ROBO1: variants seen among roughly 807,000 people sequenced by gnomAD.
The protein encoded by ROBO1 is roundabout homolog 1.
In ROBO1, 149 loss-of-function variants were observed where a neutral mutation model predicts 195.9. The observed-to-expected ratio is 0.76, with a 90% CI of 0.67 to 0.87. The LOEUF (loss-of-function observed/expected upper bound fraction) is 0.87, where lower values mean the gene tolerates loss of function less well. Ranked by LOEUF, ROBO1 falls within the 40% of genes least tolerant of loss-of-function variation. The pLI, the probability that ROBO1 is intolerant of heterozygous loss-of-function variation, is 0.00. For missense variants in ROBO1, 1,933 were observed against 2,068.3 expected (o/e 0.93, Z 1.27); for synonymous variants, 816 against 733.2 (o/e 1.11, Z -1.82).
intron 2 of ROBO1, among the ~76,000 whole-genome samples, 185 bp from the exon 3 acceptor site, chr3:79,125,724 C>T (rs1373735682): frequency 6.6e-6 from 1 of 152,156 alleles, no homozygotes; most frequent in South Asian, 2.1e-4. Context: ...GTCTCAGCAT[C>T]ATGGTTTTTA....
At chr3:78,610,057 C>A (rs918265867) in intron 28 of ROBO1, among the ~76,000 whole-genome samples, 4 of 152,098 alleles carry the variant, frequency 2.6e-5, no homozygotes, top group African/African-American at 9.7e-5. Flanking sequence ...TACTTGCATT[C>A]TTTTGTTAGT....
intron 2 of ROBO1, among the ~76,000 whole-genome samples, chr3:79,424,037 A>G (rs1474777832): frequency 6.6e-6 from 1 of 152,168 alleles, no homozygotes; most frequent in South Asian, 2.1e-4. Context: ...TGTCTTAGAC[A>G]TCATATTTAC....
At chr3:79,726,255 C>T (rs1702920467) in intron 1 of ROBO1, among the ~76,000 whole-genome samples, 3 of 152,174 alleles carry the variant, frequency 2.0e-5, no homozygotes, top group African/African-American at 4.8e-5. Flanking sequence ...AAAGGATGTT[C>T]TGGCTGTTAA....
chr3:78,793,135 C>CAAAAAAAAAAA (rs34409991), intron 4 of ROBO1, among the ~76,000 whole-genome samples: 1 of 139,480 alleles, frequency 7.2e-6, no homozygotes. Flanking sequence ...AAAACAAAAC[C>CAAAAAAAAAAA]AAAAAAAAAA....
chr3:79,738,378 A>G (rs541853296), intron 1 of ROBO1, among the ~76,000 whole-genome samples: 81 of 152,332 alleles, frequency 5.3e-4, no homozygotes, highest in African/African-American at 1.9e-3. Context: ...TAAACTTGAT[A>G]TAAATCAATG....
At chr3:78,920,928 G>A (rs1262422942) in intron 4 of ROBO1, among the ~76,000 whole-genome samples, 2 of 151,856 alleles carry the variant, frequency 1.3e-5, no homozygotes, top group South Asian at 2.1e-4. Context: ...CAATCCTCCT[G>A]CCTCAGCATC....
chr3:79,249,777 C>T (rs2082686728), intron 2 of ROBO1, among the ~76,000 whole-genome samples: 1 of 152,252 alleles, frequency 6.6e-6, no homozygotes, highest in South Asian at 2.1e-4. Context: ...TAGACGTATT[C>T]TAGGCACACA....
chr3:78,802,660 C>A (rs1209529623), intron 4 of ROBO1, among the ~76,000 whole-genome samples: 1 of 152,054 alleles, frequency 6.6e-6, no homozygotes, highest in African/African-American at 2.4e-5. Context: ...TTCAATCCCA[C>A]ATAAGACTTT....
chr3:79,124,146 A>T (rs2108568982), intron 3 of ROBO1, among the ~76,000 whole-genome samples: 1 of 152,174 alleles, frequency 6.6e-6, no homozygotes, highest in South Asian at 2.1e-4. Context: ...AAGGGATAAC[A>T]TTTACAACTT....
intron 2 of ROBO1, chr3:79,533,087 T>C (rs780649847): frequency 1.6e-5 from 7 of 442,292 alleles, no homozygotes; most frequent in Non-Finnish European, 3.2e-5. Context: ...GAATTTTTCT[T>C]GGTTCTTTAG....
intron 2 of ROBO1, among the ~76,000 whole-genome samples, chr3:79,347,578 C>T (rs979480225): frequency 2.0e-5 from 3 of 152,130 alleles, no homozygotes; most frequent in Non-Finnish European, 4.4e-5. Context: ...TAAAGTGTGA[C>T]ATCTGACATG....
chr3:78,948,687 A>C (rs1284520581), intron 3 of ROBO1, among the ~76,000 whole-genome samples: 6 of 152,094 alleles, frequency 3.9e-5, no homozygotes, highest in Non-Finnish European at 8.8e-5. Context: ...GGAGAAGGAA[A>C]AAAGGGTATT....
intron 10 of ROBO1, among the ~76,000 whole-genome samples, chr3:78,673,146 A>G (rs1055612406): frequency 6.6e-6 from 1 of 152,126 alleles, no homozygotes; most frequent in Non-Finnish European, 1.5e-5. Context: ...CAGTTCTGCT[A>G]CTTATCATTG....
intron 3 of ROBO1, among the ~76,000 whole-genome samples, chr3:79,024,790 C>G (rs1038071657): frequency 3.9e-5 from 6 of 152,152 alleles, no homozygotes; most frequent in Admixed American, 1.3e-4. Flanking sequence ...CTTCAGCTTT[C>G]CTGATTAAAC....
intron 4 of ROBO1, among the ~76,000 whole-genome samples, chr3:78,922,204 T>C (rs1019815545): frequency 1.3e-5 from 2 of 152,156 alleles, no homozygotes; most frequent in Admixed American, 1.3e-4. Flanking sequence ...GCTCTTCCAA[T>C]TTGAAGACCA....
intron 2 of ROBO1, among the ~76,000 whole-genome samples, chr3:79,556,361 G>A (rs1045675963): frequency 7.2e-5 from 11 of 151,954 alleles, no homozygotes; most frequent in Admixed American, 1.3e-4. Context: ...AAATAGATCC[G>A]CTAGTTGTTC....
intron 2 of ROBO1, among the ~76,000 whole-genome samples, chr3:79,535,513 C>G (rs1449304833): frequency 6.6e-6 from 1 of 152,180 alleles, no homozygotes; most frequent in Non-Finnish European, 1.5e-5. Flanking sequence ...TCATGATCCA[C>G]TCCTTTCTTG....
chr3:79,565,810 T>C (rs888385162), intron 2 of ROBO1, among the ~76,000 whole-genome samples: 2 of 152,126 alleles, frequency 1.3e-5, no homozygotes, highest in African/African-American at 4.8e-5. Flanking sequence ...GAAAATGTGG[T>C]GCTTTTAGTA....
At chr3:79,716,305 TTAAG>T (rs772194174) in intron 1 of ROBO1, among the ~76,000 whole-genome samples, 19 of 151,816 alleles carry the variant, frequency 1.3e-4, no homozygotes, top group Admixed American at 2.0e-4. Flanking sequence ...TCAAGACAGT[TTAAG>T]TAAGTGTGGA....
Sources: allele counts gnomAD v4.1 joint callset (sites outside exome capture counted in the v4.1 genomes callset), GRCh38; gene constraint gnomAD v4.1.1; transcripts MANE v1.5; gene names NCBI Gene and HGNC (gene_info 2026-07-23, HGNC 2026-07-21).